Variants in CTNND2 observed in about 807,000 individuals in gnomAD.
CTNND2 encodes the protein catenin delta 2, also known as catenin delta-2.
CTNND2 carries 22 observed loss-of-function variants against 144.4 expected under a neutral mutation model. The observed-to-expected ratio is 0.15, with a 90% CI of 0.11 to 0.22. The LOEUF is 0.22. Among genes scored for constraint, CTNND2 ranks in the 10% least tolerant of loss-of-function variants. The pLI is 1.00. For synonymous variants in CTNND2, 751 were observed against 695.6 expected (o/e 1.08, Z -1.25); for missense variants, 1,353 against 1,618.8 (o/e 0.84, Z 2.82).
intron 2 of CTNND2, among the ~76,000 whole-genome samples, chr5:11,579,574 G>A (rs1269803986): frequency 6.6e-6 from 1 of 152,168 alleles, no homozygotes; most frequent in Non-Finnish European, 1.5e-5. Flanking sequence ...CATCAAGGCA[G>A]TTGGGCTGGC....
intron 3 of CTNND2, among the ~76,000 whole-genome samples, chr5:11,523,391 G>A (rs775093504): frequency 2.0e-5 from 3 of 151,826 alleles, no homozygotes; most frequent in Non-Finnish European, 4.4e-5. Context: ...CATGTATATC[G>A]AGGCACACTT....
chr5:11,097,592 G>A (rs1242672111), intron 15 of CTNND2, among the ~76,000 whole-genome samples: 3 of 152,172 alleles, frequency 2.0e-5, no homozygotes, highest in Non-Finnish European at 4.4e-5. Context: ...ATGACAGAGA[G>A]AATGACAAGA....
At chr5:11,797,508 G>T (rs2126880246) in intron 1 of CTNND2, among the ~76,000 whole-genome samples, 1 of 152,184 alleles carries the variant, frequency 6.6e-6, no homozygotes. Context: ...GTAACCAAGT[G>T]TAAGCTTACA....
intron 10 of CTNND2, among the ~76,000 whole-genome samples, chr5:11,218,300 GA>G (rs1172224439): frequency 1.3e-5 from 2 of 152,054 alleles, no homozygotes; most frequent in Non-Finnish European, 2.9e-5. Flanking sequence ...TAATTCTCCA[GA>G]ATTGACAAGC....
chr5:11,178,839 C>A (rs566541334), intron 11 of CTNND2, among the ~76,000 whole-genome samples: 1 of 152,132 alleles, frequency 6.6e-6, no homozygotes, highest in Admixed American at 6.6e-5. Context: ...ATATACAATA[C>A]ATTCTTCGCC....
intron 3 of CTNND2, among the ~76,000 whole-genome samples, chr5:11,424,362 G>A (rs77432573): frequency 3.1e-4 from 47 of 152,220 alleles, no homozygotes; most frequent in African/African-American, 1.1e-3. Context: ...GGGGTAGCAC[G>A]GGGGAGACTT....
At position 11,681,105 on chromosome 5, in the gene CTNND2, T is replaced by C. The variant is rs142987974; in HGVS notation, c.174+51031A>G. ...ATGAGATGCGAAGAAGATCTCCAGC[T>C]GAGCCTGGAGGAATTCTACCCCCAG... is the stretch of plus-strand genomic sequence containing the variant. On this transcript the variant is annotated intron_variant, in intron 2 of 21. Coordinates refer to ENST00000304623, the MANE Select transcript of CTNND2 (RefSeq NM_001332.4). 1.2e-3 allele frequency among the ~76,000 whole-genome samples: 181 copies of C among 152,290 alleles called. 1 individual carries two copies. Among genetic ancestry groups the C allele is most frequent in the African/African-American group, 4.1e-3 (172 of 41,564 alleles).
At chr5:11,601,413 G>A (rs1779787497) in intron 2 of CTNND2, among the ~76,000 whole-genome samples, 1 of 151,874 alleles carries the variant, frequency 6.6e-6, no homozygotes, top group South Asian at 2.1e-4. Context: ...TGAAAGGAAG[G>A]CACATCATAT....
At chr5:11,552,721 C>T (rs926961353) in intron 3 of CTNND2, among the ~76,000 whole-genome samples, 1 of 152,242 alleles carries the variant, frequency 6.6e-6, no homozygotes, top group Admixed American at 6.5e-5. Context: ...TCCGAATAAT[C>T]TGAACACTTG....
intron 9 of CTNND2, among the ~76,000 whole-genome samples, chr5:11,320,111 A>G (rs1751887383): frequency 6.6e-6 from 1 of 152,224 alleles, no homozygotes; most frequent in African/African-American, 2.4e-5. Flanking sequence ...AGTCATAGGC[A>G]CTGCTCAATT....
At chr5:11,775,049 T>G (rs1287017356) in intron 1 of CTNND2, among the ~76,000 whole-genome samples, 1 of 151,982 alleles carries the variant, frequency 6.6e-6, no homozygotes, top group Admixed American at 6.6e-5. Flanking sequence ...CAAACAGAGC[T>G]GGGCGGGGGG....
intron 10 of CTNND2, among the ~76,000 whole-genome samples, chr5:11,205,959 C>T (rs191884219): frequency 6.6e-6 from 1 of 152,178 alleles, no homozygotes; most frequent in African/African-American, 2.4e-5. Flanking sequence ...AAAGCATGAA[C>T]AAAGTGTGAA....
intron 2 of CTNND2, among the ~76,000 whole-genome samples, chr5:11,712,956 T>C (rs979720669): frequency 6.6e-6 from 1 of 152,194 alleles, no homozygotes; most frequent in Admixed American, 6.5e-5. Context: ...TAGTCATTCA[T>C]AGTATCCTAG....
chr5:11,305,526 G>T (rs1277808407), intron 9 of CTNND2, among the ~76,000 whole-genome samples: 1 of 152,032 alleles, frequency 6.6e-6, no homozygotes, highest in Non-Finnish European at 1.5e-5. Flanking sequence ...ACATCCTATT[G>T]AATTGTTTAT....
intron 9 of CTNND2, among the ~76,000 whole-genome samples, chr5:11,308,949 G>A (rs1750528703): frequency 6.6e-6 from 1 of 152,168 alleles, no homozygotes; most frequent in African/African-American, 2.4e-5. Flanking sequence ...CGAGGAAGAG[G>A]GCAAAGGGGA....
intron 2 of CTNND2, among the ~76,000 whole-genome samples, chr5:11,587,242 T>C (rs1390224591): frequency 6.6e-6 from 1 of 152,118 alleles, no homozygotes; most frequent in Non-Finnish European, 1.5e-5. Flanking sequence ...CTTCCAAAGG[T>C]CAAAGTTTTC....
At chr5:11,450,088 T>TTCACATTCCTCTG (rs1266287053) in intron 3 of CTNND2, among the ~76,000 whole-genome samples, 7 of 152,224 alleles carry the variant, frequency 4.6e-5, no homozygotes, top group Admixed American at 4.6e-4. Flanking sequence ...TACTGAACTG[T>TTCACATTCCTCTG]TCACATTCCT....
Position 11,533,119 on chromosome 5 carries a change from C to T in CTNND2, c.287+31825G>A, listed in dbSNP as rs191079950. 5.3e-5 allele frequency among the ~76,000 whole-genome samples: 8 copies of T among 152,300 alleles called. No homozygotes were observed. In the East Asian group the frequency reaches 9.6e-4, roughly 18 times the overall value. ...AGTTCACAAAGACTCTCACTCTGGGCTAAGAGGAGTCAAGAGGAGCTCACA... is the reference window on the plus strand; with the variant it reads ...AGTTCACAAAGACTCTCACTCTGGGTTAAGAGGAGTCAAGAGGAGCTCACA... On this transcript the variant is annotated intron_variant, in intron 3 of 21. Coordinates refer to ENST00000304623, the MANE Select transcript of CTNND2 (RefSeq NM_001332.4).
chr5:11,044,198 T>G (rs2149571875), intron 16 of CTNND2, among the ~76,000 whole-genome samples: 1 of 152,294 alleles, frequency 6.6e-6, no homozygotes, highest in East Asian at 1.9e-4. Flanking sequence ...AGTGTCACCT[T>G]CTGAAATGCA....
Sources: allele counts gnomAD v4.1 joint callset (sites outside exome capture counted in the v4.1 genomes callset), GRCh38; gene constraint gnomAD v4.1.1; transcripts MANE v1.5; gene names NCBI Gene and HGNC (gene_info 2026-07-23, HGNC 2026-07-21).